The following FAM193A variants were observed in gnomAD, a reference collection of about 807,000 sequenced individuals.
The protein encoded by FAM193A is protein FAM193A.
Under a neutral mutation model 126.5 loss-of-function variants are expected in FAM193A, and 22 were observed. The ratio of observed to expected loss-of-function variants is 0.17; its 90% CI spans 0.12 to 0.25. The LOEUF (loss-of-function observed/expected upper bound fraction) is 0.25, where lower values mean the gene tolerates loss of function less well. FAM193A is among the 10% of genes least tolerant of loss of function. FAM193A has a pLI of 1.00. For missense variants in FAM193A, 1,675 were observed against 1,672.8 expected, an observed-to-expected ratio of 1.00 and a Z score of -0.02; for synonymous variants, 761 against 646.8, an observed-to-expected ratio of 1.18 and a Z score of -2.68.
intron 12 of FAM193A, among the ~76,000 whole-genome samples, chr4:2,668,151 C>T (rs937938328): frequency 4.6e-5 from 7 of 152,016 alleles, no homozygotes; most frequent in African/African-American, 1.4e-4. Flanking sequence ...GTGATTCTCC[C>T]GCCAGGAAAT....
At chr4:2,551,077 G>C (rs1172184885) in intron 1 of FAM193A, among the ~76,000 whole-genome samples, 1 of 152,158 alleles carries the variant, frequency 6.6e-6, no homozygotes, top group Non-Finnish European at 1.5e-5. Context: ...TGGGATCACA[G>C]GTGTAAGCCC....
chr4:2,565,449 G>A (rs1738885736), intron 1 of FAM193A, among the ~76,000 whole-genome samples: 1 of 151,972 alleles, frequency 6.6e-6, no homozygotes, highest in African/African-American at 2.4e-5. Flanking sequence ...ATAGAGACAA[G>A]TTTTCACCGT....
At chr4:2,613,666 C>T (rs1436777059) in intron 2 of FAM193A, among the ~76,000 whole-genome samples, 2 of 151,746 alleles carry the variant, frequency 1.3e-5, no homozygotes, top group African/African-American at 2.4e-5. Context: ...GTTGGTCAGG[C>T]TGGTCTCGAA....
At chr4:2,596,929 T>C (rs1740898643) in intron 2 of FAM193A, among the ~76,000 whole-genome samples, 1 of 152,188 alleles carries the variant, frequency 6.6e-6, no homozygotes, top group African/African-American at 2.4e-5. Flanking sequence ...TGATTTCTGC[T>C]TGAAAGCGGC....
At chr4:2,646,662 T>A in intron 6 of FAM193A, 23 bp from the exon 7 acceptor site, 1 of 1,578,550 alleles carries the variant, frequency 6.3e-7, no homozygotes. Context: ...CTTTCCTTTG[T>A]TACAAGGCCT....
intron 2 of FAM193A, among the ~76,000 whole-genome samples, chr4:2,624,884 A>G (rs572631611): frequency 1.6e-4 from 24 of 152,144 alleles, no homozygotes; most frequent in South Asian, 8.3e-4. Flanking sequence ...CTGTGTGACA[A>G]TGTCTCTGTC....
chr4:2,578,167 G>A (rs1052832642), intron 1 of FAM193A, among the ~76,000 whole-genome samples: 2 of 152,148 alleles, frequency 1.3e-5, no homozygotes, highest in African/African-American at 4.8e-5. Context: ...CCGGGCTTAA[G>A]CAATTTTCCC....
chr4:2,583,913 C>T (rs1740088188), intron 1 of FAM193A, among the ~76,000 whole-genome samples: 1 of 152,150 alleles, frequency 6.6e-6, no homozygotes, highest in African/African-American at 2.4e-5. Flanking sequence ...CAGGTCTCTT[C>T]ATCCTAGGGC....
chr4:2,642,687 T>TGTG (rs1744756556), intron 6 of FAM193A, among the ~76,000 whole-genome samples: 1 of 151,816 alleles, frequency 6.6e-6, no homozygotes, highest in Non-Finnish European at 1.5e-5. Flanking sequence ...CCTGTCAGAC[T>TGTG]GTGGGTGGGT....
rs147211603 is a variant in FAM193A, at chr4:2,588,597, A to G, written c.256-7487A>G. ...TGACTTGGGGCTTGTCGGGTGTGCAAATGGCTACTTTGGATTTGCTTCAGG... is the reference window on the plus strand; with the variant it reads ...TGACTTGGGGCTTGTCGGGTGTGCAGATGGCTACTTTGGATTTGCTTCAGG... On this transcript the variant is annotated intron_variant, in intron 1 of 20. Coordinates refer to ENST00000637812, the MANE Select transcript of FAM193A (RefSeq NM_001366318.2). Among the ~76,000 whole-genome samples, 496 of 152,192 alleles carry G rather than the reference A, an allele frequency of 3.3e-3. 5 individuals are homozygous for G. The Middle Eastern group carries it at 0.068, about 21-fold the overall frequency.
At chr4:2,710,601 C>T (rs1028779035) in intron 19 of FAM193A, among the ~76,000 whole-genome samples, 1 of 151,296 alleles carries the variant, frequency 6.6e-6, no homozygotes, top group African/African-American at 2.4e-5. Flanking sequence ...TCCCTGGGCT[C>T]GGGTGATCCT....
At chr4:2,690,515 C>T (rs1355891083) in intron 14 of FAM193A, among the ~76,000 whole-genome samples, 183 bp from the exon 15 acceptor site, 1 of 152,230 alleles carries the variant, frequency 6.6e-6, no homozygotes, top group Admixed American at 6.5e-5. Flanking sequence ...GGAATTGGCA[C>T]ATAGTAGGTG....
At chr4:2,674,778 T>C (rs1178688028) in intron 13 of FAM193A, among the ~76,000 whole-genome samples, 1 of 151,676 alleles carries the variant, frequency 6.6e-6, no homozygotes, top group African/African-American at 2.4e-5. Context: ...CGTGAGAGGA[T>C]TGATTGAGCC....
chr4:2,672,851 C>G (rs1414162447), intron 13 of FAM193A, among the ~76,000 whole-genome samples: 2 of 152,108 alleles, frequency 1.3e-5, no homozygotes, highest in African/African-American at 4.8e-5. Flanking sequence ...AGGAAGAGCC[C>G]TAAGTGTGAT....
chr4:2,709,389 A>G (rs1189158598), intron 19 of FAM193A, among the ~76,000 whole-genome samples: 1 of 152,120 alleles, frequency 6.6e-6, no homozygotes, highest in African/African-American at 2.4e-5. Context: ...GAGTATCAAT[A>G]TTATACTTGC....
At chr4:2,632,404 A>C (rs11510478) in intron 5 of FAM193A, among the ~76,000 whole-genome samples, 13,236 of 152,050 alleles carry the variant, frequency 0.087, 1,080 homozygotes, top group African/African-American at 0.21. Flanking sequence ...CACCTATACC[A>C]AAAAAATTTA....
chr4:2,601,432 G>A lies in FAM193A; in HGVS notation c.501+5103G>A, dbSNP rs186886790. On this transcript the variant is annotated intron_variant, in intron 2 of 20. Coordinates refer to ENST00000637812, the MANE Select transcript of FAM193A (RefSeq NM_001366318.2). ...GTATTTTTAGTAGAGATGGGGTTTC[G>A]CCATGTTGGCCAGGCTGTTCTCTAA... Among the ~76,000 whole-genome samples, 1,104 of 151,660 alleles carry A rather than the reference G, an allele frequency of 7.3e-3. 19 individuals are homozygous for A. Among genetic ancestry groups the A allele is most frequent in the African/African-American group, 0.026 (1,055 of 41,348 alleles).
chr4:2,660,250 A>G (rs1040674061), intron 10 of FAM193A, among the ~76,000 whole-genome samples, 196 bp downstream of exon 10: 1 of 152,190 alleles, frequency 6.6e-6, no homozygotes, highest in Admixed American at 6.5e-5. Flanking sequence ...CTGGGAAAAA[A>G]AAAACATGGT....
chr4:2,577,347 A>T (rs977740860), intron 1 of FAM193A, among the ~76,000 whole-genome samples: 6 of 150,370 alleles, frequency 4.0e-5, no homozygotes, highest in African/African-American at 1.5e-4. Flanking sequence ...CTTTGTCGTC[A>T]TTGGTCTAGG....
Sources: gnomAD v4.1 joint callset for allele counts (sites outside exome capture counted in the v4.1 genomes callset) on GRCh38, gnomAD v4.1.1 for gene constraint, MANE v1.5 for transcripts, NCBI Gene and HGNC (gene_info 2026-07-23, HGNC 2026-07-21) for gene names.